Variants in ZNF454 observed in about 807,000 individuals in gnomAD.
ZNF454 encodes zinc finger protein 454.
In ZNF454, 30 loss-of-function variants were observed where a neutral mutation model predicts 48.2. The observed-to-expected ratio is 0.62, with a 90% CI of 0.47 to 0.84. The LOEUF (loss-of-function observed/expected upper bound fraction) is 0.84, where lower values mean the gene tolerates loss of function less well. ZNF454 is among the 40% of genes least tolerant of loss of function. The probability of loss-of-function intolerance (pLI) is 0.00; values close to 1 mark genes in which losing one functional copy is unlikely to be tolerated. For missense variants in ZNF454, 510 were observed against 623.1 expected, an observed-to-expected ratio of 0.82 and a Z score of 1.93; for synonymous variants, 204 against 211.4, an observed-to-expected ratio of 0.97 and a Z score of 0.30.
chr5:178,985,343 A>C, the ZNF454 span: 1 of 439,184 alleles, frequency 2.3e-6, no homozygotes, highest in African/African-American at 2.0e-5. Context: ...CCAGCAGGGG[A>C]GATGGCGGCC....
rs1033005109 is a variant in ZNF454, at chr5:178,944,908, C to T, written c.34-1451C>T. The stretch of plus-strand genomic sequence containing the variant: ...GGACAGAGAGACTTTCCTCTGTGAC[C>T]CCCTCTCAGAGTTTCTAAGAAAGGG... On this transcript the variant is annotated intron_variant, in intron 2 of 4. Transcript: ENST00000519564. This position sits in a 1 kb window ranked among gnomAD's most constrained non-coding sequence, Gnocchi z 4.1. Among the ~76,000 whole-genome samples the T allele has an allele frequency of 1.3e-5, 2 of 152,110 alleles. No homozygotes were observed. Among genetic ancestry groups the T allele is most frequent in the Non-Finnish European group, 2.9e-5 (2 of 68,014 alleles).
chr5:178,950,030 T>G (rs1430507298), intron 4 of ZNF454, among the ~76,000 whole-genome samples: 1 of 152,048 alleles, frequency 6.6e-6, no homozygotes, highest in Non-Finnish European at 1.5e-5. Context: ...TAGTCATGGT[T>G]TAGAATGCAC....
the ZNF454 span, chr5:178,983,312 T>C: frequency 8.8e-7 from 1 of 1,131,876 alleles, no homozygotes; most frequent in East Asian, 2.4e-5. Context: ...CAGGATCCCC[T>C]TGAGGCTCTG....
chr5:178,970,534 T>C (rs1035379295), downstream of ZNF454, among the ~76,000 whole-genome samples: 1 of 152,130 alleles, frequency 6.6e-6, no homozygotes, highest in Non-Finnish European at 1.5e-5. Context: ...GTGTACCACA[T>C]GTCACTGTCT....
At chr5:178,972,682 G>A in the ZNF454 span, among the ~76,000 whole-genome samples, 1 of 152,178 alleles carries the variant, frequency 6.6e-6, no homozygotes, top group Non-Finnish European at 1.5e-5. Context: ...TGAGGCTGAG[G>A]CTGCGGCCTT....
At chr5:178,986,436 G>A in the ZNF454 span, 5 of 1,613,416 alleles carry the variant, frequency 3.1e-6, no homozygotes, top group African/African-American at 5.3e-5. Context: ...ACCGCACGAA[G>A]GTGGCCACCA....
At chr5:178,983,459 G>T in the ZNF454 span, 1 of 690,838 alleles carries the variant, frequency 1.4e-6, no homozygotes, top group African/African-American at 1.7e-5. Flanking sequence ...TGCGGAGAAG[G>T]GCTGTGCCGC....
At chr5:178,947,269 C>G (rs1355762715) in intron 4 of ZNF454, among the ~76,000 whole-genome samples, 1 of 152,188 alleles carries the variant, frequency 6.6e-6, no homozygotes, top group Admixed American at 6.5e-5. Flanking sequence ...CTGGGCAGTT[C>G]TCCCCACACC....
chr5:178,960,297 G>A (rs1759956888), intron 4 of ZNF454, among the ~76,000 whole-genome samples: 1 of 144,022 alleles, frequency 6.9e-6, no homozygotes, highest in Non-Finnish European at 1.5e-5. Flanking sequence ...CGCTCTTGTT[G>A]CCCAGGCTGG....
the ZNF454 span, chr5:178,982,691 A>AC: frequency 2.9e-6 from 1 of 340,702 alleles, no homozygotes; most frequent in Middle Eastern, 6.9e-4. Context: ...AATGAAAATG[A>AC]TAAAAAAAAA....
chr5:178,972,782 A>G, the ZNF454 span, among the ~76,000 whole-genome samples: 21 of 152,124 alleles, frequency 1.4e-4, no homozygotes, highest in East Asian at 4.1e-3. Context: ...AGCAGGGGGA[A>G]GATGTGGGGG....
the ZNF454 span, among the ~76,000 whole-genome samples, chr5:178,977,241 G>A: frequency 6.6e-6 from 1 of 152,152 alleles, no homozygotes; most frequent in Admixed American, 6.6e-5. Context: ...AACCCCCATT[G>A]TATGGTATTT....
intron 4 of ZNF454, among the ~76,000 whole-genome samples, chr5:178,959,112 G>A (rs1385462303): frequency 6.6e-6 from 1 of 151,868 alleles, no homozygotes; most frequent in East Asian, 1.9e-4. Flanking sequence ...TCCTATAGTA[G>A]CTGTAGTATT....
intron 4 of ZNF454, among the ~76,000 whole-genome samples, chr5:178,950,686 G>A (rs1022704991): frequency 9.2e-5 from 14 of 152,008 alleles, no homozygotes; most frequent in Admixed American, 1.3e-4. Flanking sequence ...TTGCTACATC[G>A]ATTGTACATT....
chr5:178,946,316 CA>C lies in ZNF454; in HGVS notation c.34-42del. The C allele has an allele frequency of 6.2e-7, 1 of 1,606,164 alleles. No homozygotes were observed. Among genetic ancestry groups the C allele is most frequent in the South Asian group, 1.1e-5 (1 of 89,582 alleles). On this transcript the variant is annotated intron_variant, in intron 2 of 4. Transcript: ENST00000519564. The surrounding 1 kb of genome is among the most constrained non-coding windows in gnomAD (Gnocchi z 4.5). Reference sequence around the variant, plus strand: ...AGTCTCTTTTCCAGAGAACCATGTGCAGGGGTAGCCCCTGGTCAAGGAGAAT... The same window carrying C: ...AGTCTCTTTTCCAGAGAACCATGTGCGGGGTAGCCCCTGGTCAAGGAGAAT...
At chr5:178,942,901 G>A in intron 2 of ZNF454, 77 bp downstream of exon 2, 1 of 1,528,956 alleles carries the variant, frequency 6.5e-7, no homozygotes, top group South Asian at 1.3e-5. Flanking sequence ...CAGACCGGGA[G>A]CTTTATTCCC....
At chr5:178,974,196 A>G in the ZNF454 span, among the ~76,000 whole-genome samples, 2 of 152,192 alleles carry the variant, frequency 1.3e-5, no homozygotes, top group Admixed American at 6.5e-5. Context: ...TAAAGGATGC[A>G]TCAATGGTTA....
Position 178,965,375 on chromosome 5 carries a change from G to A in ZNF454, c.971G>A (p.Gly324Glu). Reference protein sequence around the residue: ...HLTKHQNIHSGEKPYKCNECG... With the variant: ...HLTKHQNIHSEEKPYKCNECG... ...ACCAAACACCAGAATATCCACAGTG[G>A]AGAGAAACCCTATAAATGCAATGAA... The change falls in exon 5 of 5, where the codon GGA becomes GAA. Residue 324 changes from glycine (G) to glutamate (E), a missense_variant. By Grantham distance (98) the Gly-to-Glu change is moderately conservative (BLOSUM62 -2). Coordinates refer to ENST00000519564, the MANE Select transcript of ZNF454 (RefSeq NM_001178089.3). This position sits in a 1 kb window ranked among gnomAD's most constrained non-coding sequence, Gnocchi z 5.2. 2 of 1,614,126 alleles carry A rather than the reference G, an allele frequency of 1.2e-6. No individual in the cohort carries two copies. The highest frequency in any genetic ancestry group is 1.7e-6 in the Non-Finnish European group (2 of 1,180,028).
chr5:178,987,206 G>C, the ZNF454 span: 1 of 679,400 alleles, frequency 1.5e-6, no homozygotes, highest in Non-Finnish European at 2.7e-6. Flanking sequence ...GGAGAAGTCG[G>C]AACCCTTGTG....
Sources: allele counts gnomAD v4.1 joint callset (sites outside exome capture counted in the v4.1 genomes callset), GRCh38; gene constraint gnomAD v4.1.1; non-coding constraint Gnocchi (gnomAD v3.1); transcripts MANE v1.5; gene names NCBI Gene and HGNC (gene_info 2026-07-23, HGNC 2026-07-21).